Variants in NCAM2 observed in about 807,000 individuals in gnomAD.
The protein encoded by NCAM2 is N-CAM-2.
Under a neutral mutation model 98.1 loss-of-function variants are expected in NCAM2, and 30 were observed. The observed-to-expected ratio is 0.31, with a 90% CI of 0.23 to 0.41. NCAM2 has a LOEUF of 0.41. NCAM2 is among the 10% of genes least tolerant of loss of function. The pLI is 1.00. For synonymous variants in NCAM2, 368 were observed against 342.4 expected, an observed-to-expected ratio of 1.07 and a Z score of -0.83; for missense variants, 867 against 1,005.8, an observed-to-expected ratio of 0.86 and a Z score of 1.87.
At position 21,368,103 on chromosome 21, in the gene NCAM2, T is replaced by C. The variant is rs555559643; in HGVS notation, c.1045-5760T>C. On this transcript the variant is annotated intron_variant, in intron 8 of 17. Coordinates refer to ENST00000400546, the MANE Select transcript of NCAM2 (RefSeq NM_004540.5). ...TTAATTTTAAATATTATTTTTAAAG[T>C]ATTGAATATGAAATACGGAATAGAC... 5.9e-5 allele frequency among the ~76,000 whole-genome samples: 9 copies of C among 151,978 alleles called. No individual in the cohort carries two copies. In the South Asian group the frequency reaches 1.9e-3, roughly 31 times the overall value.
chr21:21,129,400 A>G (rs1232268595), intron 1 of NCAM2, among the ~76,000 whole-genome samples: 2 of 152,184 alleles, frequency 1.3e-5, no homozygotes, highest in African/African-American at 4.8e-5. Context: ...TAATGACTCA[A>G]CTAGTCTTAC....
intron 8 of NCAM2, among the ~76,000 whole-genome samples, chr21:21,367,169 A>G (rs1009758176): frequency 5.9e-5 from 9 of 152,030 alleles, no homozygotes; most frequent in African/African-American, 2.2e-4. Flanking sequence ...GTTTTGTGAC[A>G]TGAAAGTAAA....
At chr21:21,510,324 A>G (rs553558667) in intron 16 of NCAM2, among the ~76,000 whole-genome samples, 32 of 152,176 alleles carry the variant, frequency 2.1e-4, no homozygotes, top group Middle Eastern at 6.8e-3. Context: ...AAGTTCTCTC[A>G]TTTCCTTATC....
In NCAM2 at chr21:21,353,811, T is replaced by C. The variant is rs572163731; in HGVS notation, c.1044+15277T>C. On this transcript the variant is annotated intron_variant, in intron 8 of 17. Transcript: ENST00000400546. The stretch of plus-strand genomic sequence containing the variant: ...AAAGATTCTTCAACATTCTAAGAAG[T>C]ACCTAAATAGGGCATTAAGGTAGGA... Among the ~76,000 whole-genome samples the C allele has an allele frequency of 4.0e-4, 61 of 152,286 alleles. No individual in the cohort carries two copies. In the South Asian group the frequency reaches 0.013, roughly 32 times the overall value.
Position 21,508,840 on chromosome 21 carries a change from T to TTTA in NCAM2, c.2078-11_2078-10insTTA. 2 of 913,584 alleles carry TTTA rather than the reference T, an allele frequency of 2.2e-6. No homozygotes were observed. Among genetic ancestry groups the TTTA allele is most frequent in the Non-Finnish European group, 2.9e-6 (2 of 679,108 alleles). 56.6% of individuals were successfully genotyped at this position (913,584 alleles called of 1,614,324 possible). ...TTTTTTTTTTTTTTTTTTTTTTTTT[T>TTTA]ACTTTTTAAGACACGCTGTTTAATG... On this transcript the variant is annotated splice_polypyrimidine_tract_variant and intron_variant, in intron 15 of 17. Transcript: ENST00000400546.
intron 1 of NCAM2, among the ~76,000 whole-genome samples, chr21:21,088,914 G>T (rs1569010403): frequency 6.6e-6 from 1 of 151,594 alleles, no homozygotes. Flanking sequence ...GGAGCTTGCA[G>T]TGAGCTAGAT....
chr21:21,005,984 C>A (rs186586919), intron 1 of NCAM2, among the ~76,000 whole-genome samples: 1 of 152,206 alleles, frequency 6.6e-6, no homozygotes, highest in East Asian at 1.9e-4. Context: ...TCATTGAATC[C>A]TGATTATATC....
rs1466344339 is a variant in NCAM2 at position 21,292,291 on chromosome 21, T to A, written c.619+50T>A. ...GTTTTATGGATTCATTTTAGCAATG[T>A]TTTTTATTAAATGGCAACCATGTGA... On this transcript the variant is annotated intron_variant, in intron 5 of 17. Coordinates refer to ENST00000400546, the MANE Select transcript of NCAM2 (RefSeq NM_004540.5). 4 of 1,561,714 alleles carry A rather than the reference T, an allele frequency of 2.6e-6. No homozygotes were observed. In the Admixed American group the frequency reaches 7.3e-5, roughly 29 times the overall value.
intron 1 of NCAM2, among the ~76,000 whole-genome samples, chr21:21,191,849 A>G (rs2068834294): frequency 2.0e-5 from 3 of 152,186 alleles, no homozygotes; most frequent in East Asian, 1.9e-4. Flanking sequence ...GGGATGAACA[A>G]TGTTACATTT....
At chr21:21,412,891 G>A (rs1444875396) in intron 10 of NCAM2, among the ~76,000 whole-genome samples, 1 of 152,022 alleles carries the variant, frequency 6.6e-6, no homozygotes, top group Non-Finnish European at 1.5e-5. Context: ...AGTTACTTTT[G>A]TTTAGTAATT....
At chr21:21,208,329 ACC>A (rs1425575393) in intron 1 of NCAM2, among the ~76,000 whole-genome samples, 2 of 152,168 alleles carry the variant, frequency 1.3e-5, no homozygotes, top group African/African-American at 4.8e-5. Context: ...ATCACTTCAA[ACC>A]ATTTAAATGT....
intron 1 of NCAM2, among the ~76,000 whole-genome samples, chr21:21,172,783 T>C (rs1174782759): frequency 2.6e-5 from 4 of 152,156 alleles, no homozygotes; most frequent in Non-Finnish European, 2.9e-5. Flanking sequence ...GCATCAAACA[T>C]GCTATTGGCT....
chr21:21,108,954 A>G (rs1912797993), intron 1 of NCAM2, among the ~76,000 whole-genome samples: 1 of 152,162 alleles, frequency 6.6e-6, no homozygotes, highest in South Asian at 2.1e-4. Context: ...GCAGGAGTCC[A>G]TATTTTCATT....
chr21:21,332,943 G>A (rs1053522101), intron 6 of NCAM2, among the ~76,000 whole-genome samples: 21 of 152,202 alleles, frequency 1.4e-4, no homozygotes, highest in Admixed American at 1.4e-3. Flanking sequence ...TGTTCAAAAT[G>A]AAATTATCAT....
intron 1 of NCAM2, among the ~76,000 whole-genome samples, chr21:21,200,462 A>T (rs9974088): frequency 0.99 from 149,969 of 150,880 alleles, 74,541 homozygotes; most frequent in East Asian, 1. Flanking sequence ...TAACAGTTTT[A>T]CTAGCTGTTA....
chr21:21,498,710 A>G (rs1987422086), intron 15 of NCAM2, among the ~76,000 whole-genome samples: 1 of 152,192 alleles, frequency 6.6e-6, no homozygotes, highest in Admixed American at 6.6e-5. Flanking sequence ...CAAAAGAAGT[A>G]CAGTATTTAT....
intron 6 of NCAM2, among the ~76,000 whole-genome samples, chr21:21,332,713 T>G (rs1389854230): frequency 1.3e-5 from 2 of 152,142 alleles, no homozygotes; most frequent in East Asian, 3.9e-4. Flanking sequence ...AACTGCACAC[T>G]CTGTCTTCCA....
At chr21:21,445,718 C>T (rs1409560570) in intron 12 of NCAM2, among the ~76,000 whole-genome samples, 1 of 151,830 alleles carries the variant, frequency 6.6e-6, no homozygotes. Context: ...CTATGTGTGC[C>T]TTTGCACGTG....
At chr21:21,432,973 A>G (rs1297601106) in intron 12 of NCAM2, among the ~76,000 whole-genome samples, 2 of 152,184 alleles carry the variant, frequency 1.3e-5, no homozygotes, top group Non-Finnish European at 2.9e-5. Flanking sequence ...TTAATGTTCC[A>G]TAGGTCTGTT....
Sources: allele counts gnomAD v4.1 joint callset (sites outside exome capture counted in the v4.1 genomes callset), GRCh38; gene constraint gnomAD v4.1.1; transcripts MANE v1.5; gene names NCBI Gene and HGNC (gene_info 2026-07-23, HGNC 2026-07-21).